GABPB2: variants seen among roughly 807,000 people sequenced by gnomAD.
The protein encoded by GABPB2 is GA-binding protein subunit beta-2.
In GABPB2, 23 loss-of-function variants were observed where a neutral mutation model predicts 39.1. The ratio of observed to expected loss-of-function variants is 0.59; its 90% CI spans 0.42 to 0.83. GABPB2 has a LOEUF of 0.83. Among genes scored for constraint, GABPB2 ranks in the 40% least tolerant of loss-of-function variants. The pLI is 0.00. For synonymous variants in GABPB2, 184 were observed against 199.3 expected (o/e 0.92, Z 0.65); for missense variants, 467 against 541.1 (o/e 0.86, Z 1.36).
rs1309663231 is a variant in GABPB2, at chr1:151,122,693, T to C, written c.*4437T>C. On this transcript the variant is annotated 3_prime_UTR_variant, in exon 9 of 9. Coordinates refer to ENST00000368918, the MANE Select transcript of GABPB2 (RefSeq NM_144618.3). ...TTCTGACTATACAGTCACCACTTTT[T>C]TGGGGGAATTCTTTAGCAGATCTTA... 2.0e-5 allele frequency: 3 copies of C among 152,032 alleles called. No individual in the cohort carries two copies. Among genetic ancestry groups the C allele is most frequent in the African/African-American group, 7.2e-5 (3 of 41,382 alleles). 9.4% of individuals were successfully genotyped at this position (152,032 alleles called of 1,614,324 possible).
chr1:151,089,033 A>G (rs12090604), intron 2 of GABPB2, among the ~76,000 whole-genome samples: 7,286 of 152,084 alleles, frequency 0.048, 289 homozygotes, highest in African/African-American at 0.1. Context: ...TTCCTTTACC[A>G]CTGTTCAAAA....
At position 151,124,779 on chromosome 1, in the gene GABPB2, G is replaced by A. The variant is rs763302785; in HGVS notation, c.*6523G>A. 1.3e-5 allele frequency: 2 copies of A among 152,042 alleles called. No individual in the cohort carries two copies. Among genetic ancestry groups the A allele is most frequent in the Admixed American group, 6.6e-5 (1 of 15,260 alleles). 9.4% of individuals were successfully genotyped at this position (152,042 alleles called of 1,614,324 possible). A position where few individuals can be genotyped will look rare whatever the true frequency, so the allele number is the denominator to read the frequency against. On this transcript the variant is annotated 3_prime_UTR_variant, in exon 9 of 9. Transcript: ENST00000368918. ...ATATCTCAGAAGTACTACCCCTTCT[G>A]AGTAGTACTATTATTTCCTATGCCA...
In GABPB2 at chr1:151,124,040, A is replaced by G. The variant is rs2101588310; in HGVS notation, c.*5784A>G. ...TAGCCGGGGGTGGTGGCGCATCATC[A>G]TACTGGTGAGAAAAAAAAAAAAAAA... On this transcript the variant is annotated 3_prime_UTR_variant, in exon 9 of 9. Transcript: ENST00000368918. 7.3e-6 allele frequency: 1 copy of G among 137,572 alleles called. No homozygotes were observed. The highest frequency in any genetic ancestry group is 2.7e-5 in the African/African-American group (1 of 37,114). 8.5% of individuals were successfully genotyped at this position (137,572 alleles called of 1,614,324 possible). A position where few individuals can be genotyped will look rare whatever the true frequency, so the allele number is the denominator to read the frequency against.
At chr1:151,102,014 CAA>C (rs1295307305) in intron 5 of GABPB2, among the ~76,000 whole-genome samples, 4 of 152,106 alleles carry the variant, frequency 2.6e-5, no homozygotes, top group Admixed American at 2.6e-4. Context: ...AGGTTATGAA[CAA>C]AGTCTTTTTA....
At chr1:151,072,639 A>T (rs1257132071) in intron 1 of GABPB2, among the ~76,000 whole-genome samples, 1 of 152,108 alleles carries the variant, frequency 6.6e-6, no homozygotes, top group African/African-American at 2.4e-5. Flanking sequence ...TGAGGTCAGG[A>T]GTTCGACACC....
chr1:151,115,344 A>G (rs1680778269), intron 7 of GABPB2, among the ~76,000 whole-genome samples: 1 of 151,970 alleles, frequency 6.6e-6, no homozygotes. Context: ...AATAATAAGA[A>G]TGAAACTCCG....
intron 5 of GABPB2, among the ~76,000 whole-genome samples, chr1:151,102,509 C>A (rs976188380): frequency 3.3e-5 from 5 of 151,976 alleles, no homozygotes; most frequent in Non-Finnish European, 5.9e-5. Flanking sequence ...GTGGTGCGAT[C>A]TCGGCTTACT....
At chr1:151,088,517 G>A (rs1296285202) in intron 2 of GABPB2, 5 of 1,160,922 alleles carry the variant, frequency 4.3e-6, no homozygotes, top group Non-Finnish European at 5.9e-6. Context: ...ATAATTGTAA[G>A]GTATTATATA....
At chr1:151,082,076 CTTTTTTT>C (rs1215494134) in intron 1 of GABPB2, among the ~76,000 whole-genome samples, 2 of 131,608 alleles carry the variant, frequency 1.5e-5, no homozygotes, top group East Asian at 2.2e-4. Flanking sequence ...ATTTCTTTTT[CTTTTTTT>C]TTTTTTTTTT....
At chr1:151,093,604 T>C (rs891896875) in intron 4 of GABPB2, among the ~76,000 whole-genome samples, 26 of 148,844 alleles carry the variant, frequency 1.7e-4, no homozygotes, top group African/African-American at 5.4e-4. Context: ...ATTTTTTATA[T>C]TTTTTATATA....
chr1:151,078,434 A>C (rs953404009), intron 1 of GABPB2, among the ~76,000 whole-genome samples: 16 of 151,644 alleles, frequency 1.1e-4, no homozygotes, highest in African/African-American at 3.4e-4. Flanking sequence ...TCTACTAAAA[A>C]TCCAAAAAAT....
intron 3 of GABPB2, 98 bp from the exon 4 acceptor site, chr1:151,093,094 A>T: frequency 1.1e-6 from 1 of 903,754 alleles, no homozygotes; most frequent in Non-Finnish European, 1.6e-6. Flanking sequence ...AGATTTGAGT[A>T]CGTAATCTCT....
At chr1:151,101,090 CAA>C (rs71090129) in intron 5 of GABPB2, among the ~76,000 whole-genome samples, 4 of 132,584 alleles carry the variant, frequency 3.0e-5, no homozygotes, top group African/African-American at 2.8e-5. Flanking sequence ...ACAAAAAATA[CAA>C]AAAAAAAAAA....
In GABPB2 at chr1:151,117,414, G is replaced by C. The variant is rs769344127; in HGVS notation, c.945G>C (p.Lys315Asn). ...GQQVLTVPAG[K>N]VAEETVIKEE... ...TAGTTCTAACTGTACCTGCTGGTAA[G>C]GTTGCAGAGGAGACTGTAATTAAAG... Residue 315 changes from lysine to asparagine, a missense_variant, in exon 8 of 9, where the codon AAG (lysine) becomes AAC (asparagine). Transcript: ENST00000368918. 3 of 1,613,890 alleles carry C rather than the reference G, an allele frequency of 1.9e-6. No individual in the cohort carries two copies. The highest frequency in any genetic ancestry group is 8.5e-7 in the Non-Finnish European group (1 of 1,179,798).
chr1:151,096,659 C>A (rs912519820), intron 4 of GABPB2, among the ~76,000 whole-genome samples: 1 of 151,998 alleles, frequency 6.6e-6, no homozygotes, highest in Non-Finnish European at 1.5e-5. Context: ...AACAGATATC[C>A]CTGGAAGCAA....
intron 4 of GABPB2, among the ~76,000 whole-genome samples, chr1:151,097,144 T>A (rs193294601): frequency 6.6e-6 from 1 of 152,102 alleles, no homozygotes; most frequent in Non-Finnish European, 1.5e-5. Flanking sequence ...ACTCCTGACC[T>A]CAAGTGGTCC....
chr1:151,116,401 CAAA>C (rs11430501), intron 7 of GABPB2, among the ~76,000 whole-genome samples: 1 of 124,320 alleles, frequency 8.0e-6, no homozygotes. Flanking sequence ...AATTCCATCT[CAAA>C]AAAAAAAAAA....
Position 151,088,282 on chromosome 1 carries a change from A to G in GABPB2, c.93A>G (p.Pro31=). 6.2e-7 allele frequency: 1 copy of G among 1,613,270 alleles called. No individual in the cohort carries two copies. Among genetic ancestry groups the G allele is most frequent in the Admixed American group, 1.7e-5 (1 of 59,906 alleles). ...GAACGTTGATGGCAAATGGCGCCCCATTCACCACAGACTGGGTAAGCTTAG... is the reference window on the plus strand; with the variant it reads ...GAACGTTGATGGCAAATGGCGCCCCGTTCACCACAGACTGGGTAAGCTTAG... The part of the protein sequence containing the change: ...EVRTLMANGA[P]FTTDWLGTSP... Residue 31 remains proline (P), a synonymous_variant, in exon 2 of 9, where the codon CCA becomes CCG. Coordinates refer to ENST00000368918, the MANE Select transcript of GABPB2 (RefSeq NM_144618.3).
chr1:151,079,861 A>C (rs954145732), intron 1 of GABPB2, among the ~76,000 whole-genome samples: 4 of 151,472 alleles, frequency 2.6e-5, no homozygotes, highest in African/African-American at 9.7e-5. Context: ...GCACCATTGC[A>C]CTCTAGCCTG....
Sources: allele counts gnomAD v4.1 joint callset (sites outside exome capture counted in the v4.1 genomes callset), GRCh38; gene constraint gnomAD v4.1.1; transcripts MANE v1.5; gene names NCBI Gene and HGNC (gene_info 2026-07-23, HGNC 2026-07-21).